FYB2: variants seen among roughly 807,000 people sequenced by gnomAD.
The protein encoded by FYB2 is FYN-binding protein 2.
In FYB2, 103 loss-of-function variants were observed where a neutral mutation model predicts 94.1. The observed-to-expected ratio is 1.09, with a 90% confidence interval of 0.93 to 1.29. FYB2 has a LOEUF of 1.29. Ranked by LOEUF, FYB2 falls within the 50% of genes most tolerant of loss-of-function variation. The pLI, the probability that FYB2 is intolerant of heterozygous loss-of-function variation, is 0.00. For missense variants in FYB2, 896 were observed against 841.5 expected, an observed-to-expected ratio of 1.06 and a Z score of -0.80; for synonymous variants, 293 against 287.9, an observed-to-expected ratio of 1.02 and a Z score of -0.18.
chr1:56,743,163 C>A (rs914549980), intron 11 of FYB2, among the ~76,000 whole-genome samples: 1 of 151,948 alleles, frequency 6.6e-6, no homozygotes, highest in Non-Finnish European at 1.5e-5. Context: ...CCTGAAGGTA[C>A]TTCTCCTAAT....
intron 14 of FYB2, 76 bp from the exon 15 acceptor site, chr1:56,737,223 C>T: frequency 9.3e-7 from 1 of 1,078,976 alleles, no homozygotes; most frequent in Non-Finnish European, 1.4e-6. Context: ...AAATTATACT[C>T]AATTACCTAA....
intron 4 of FYB2, among the ~76,000 whole-genome samples, chr1:56,785,205 T>A (rs543979007): frequency 4.6e-5 from 7 of 152,166 alleles, no homozygotes; most frequent in Non-Finnish European, 7.4e-5. Context: ...TTTCTTTGAT[T>A]TAAATGCCAG....
intron 1 of FYB2, among the ~76,000 whole-genome samples, chr1:56,817,177 C>T (rs1646902962): frequency 6.6e-6 from 1 of 152,170 alleles, no homozygotes; most frequent in African/African-American, 2.4e-5. Flanking sequence ...CAACAATGGC[C>T]TCCAGGGCCC....
intron 1 of FYB2, among the ~76,000 whole-genome samples, 179 bp from the exon 2 acceptor site, chr1:56,792,982 C>T (rs938953793): frequency 6.6e-6 from 1 of 152,092 alleles, no homozygotes; most frequent in Non-Finnish European, 1.5e-5. Context: ...CAATGTTAGC[C>T]AGCAATGCTA....
At chr1:56,744,113 A>G (rs1301629186) in intron 10 of FYB2, 39 bp downstream of exon 10, 15 of 1,612,002 alleles carry the variant, frequency 9.3e-6, no homozygotes, top group Non-Finnish European at 1.0e-5. Context: ...TTAAAGTCTC[A>G]TCACATTCAT....
intron 15 of FYB2, 101 bp from the exon 16 acceptor site, chr1:56,726,684 A>C: frequency 1.2e-6 from 1 of 816,074 alleles, no homozygotes; most frequent in Non-Finnish European, 1.8e-6. Flanking sequence ...AAAAATTAAA[A>C]AGTCATCTAG....
chr1:56,768,707 A>G (rs1645684674), intron 4 of FYB2, among the ~76,000 whole-genome samples: 1 of 152,184 alleles, frequency 6.6e-6, no homozygotes, highest in South Asian at 2.1e-4. Context: ...TTCCCACTCA[A>G]AATAAGCTGA....
chr1:56,737,371 C>A, intron 14 of FYB2: 1 of 408,164 alleles, frequency 2.4e-6, no homozygotes, highest in Admixed American at 4.7e-5. Context: ...TGTGATGTCC[C>A]AGTATCTCAA....
intron 5 of FYB2, among the ~76,000 whole-genome samples, chr1:56,765,988 GAGA>G (rs1168119430): frequency 6.6e-6 from 1 of 152,196 alleles, no homozygotes; most frequent in Non-Finnish European, 1.5e-5. Flanking sequence ...GGTCCAGAGA[GAGA>G]AGGAGCAGGC....
chr1:56,795,943 A>G (rs1209986377), intron 1 of FYB2, among the ~76,000 whole-genome samples: 1 of 152,210 alleles, frequency 6.6e-6, no homozygotes, highest in Non-Finnish European at 1.5e-5. Flanking sequence ...TTAAGTATCT[A>G]CATACAGACC....
intron 15 of FYB2, among the ~76,000 whole-genome samples, chr1:56,727,923 G>A (rs918419483): frequency 6.6e-6 from 1 of 152,078 alleles, no homozygotes; most frequent in African/African-American, 2.4e-5. Context: ...GAAGTGAGAG[G>A]ATTGCTTGAG....
chr1:56,743,748 T>C (rs944668067), intron 11 of FYB2, among the ~76,000 whole-genome samples: 5 of 152,020 alleles, frequency 3.3e-5, no homozygotes, highest in African/African-American at 4.8e-5. Flanking sequence ...AACAGTCCTA[T>C]AATCAGACTT....
intron 1 of FYB2, among the ~76,000 whole-genome samples, chr1:56,815,197 CTGCTCCGCCCA>C (rs1269947525): frequency 6.6e-6 from 1 of 152,132 alleles, no homozygotes. Flanking sequence ...CCCATCTCTG[CTGCTCCGCCCA>C]TGCTCTCCCT....
intron 1 of FYB2, among the ~76,000 whole-genome samples, chr1:56,801,426 A>G (rs1646516678): frequency 6.6e-6 from 1 of 152,164 alleles, no homozygotes; most frequent in Non-Finnish European, 1.5e-5. Context: ...TAAAGATTTA[A>G]GCACCCAGCT....
chr1:56,819,616 A>G, upstream of FYB2: 1 of 500,084 alleles, frequency 2.0e-6, no homozygotes, highest in South Asian at 2.3e-5. Context: ...GGCTGGTCTG[A>G]CAGTCACTCA....
intron 11 of FYB2, among the ~76,000 whole-genome samples, chr1:56,743,822 T>C (rs1161831416): frequency 6.6e-6 from 1 of 152,090 alleles, no homozygotes; most frequent in African/African-American, 2.4e-5. Context: ...CTTACCAGCA[T>C]CTTCATGTTC....
intron 9 of FYB2, among the ~76,000 whole-genome samples, chr1:56,746,432 C>T (rs1394849644): frequency 1.3e-5 from 2 of 151,752 alleles, no homozygotes; most frequent in African/African-American, 4.8e-5. Flanking sequence ...ATTCTGTTTT[C>T]TTTTCTATTT....
intron 1 of FYB2, among the ~76,000 whole-genome samples, chr1:56,812,014 T>G (rs1200059543): frequency 2.0e-5 from 3 of 152,058 alleles, no homozygotes; most frequent in African/African-American, 7.2e-5. Context: ...AAGTGGAGGG[T>G]AGAGGGCTCA....
At chr1:56,729,487 C>T (rs1644656417) in intron 15 of FYB2, among the ~76,000 whole-genome samples, 1 of 152,032 alleles carries the variant, frequency 6.6e-6, no homozygotes, top group Non-Finnish European at 1.5e-5. Flanking sequence ...GCTCCATCTT[C>T]AGTGGACCCA....
Sources: allele counts gnomAD v4.1 joint callset (sites outside exome capture counted in the v4.1 genomes callset), GRCh38; gene constraint gnomAD v4.1.1; transcripts MANE v1.5; gene names NCBI Gene and HGNC (gene_info 2026-07-23, HGNC 2026-07-21).